The following SLC20A2 variants were observed in gnomAD, a reference collection of about 807,000 sequenced individuals.
SLC20A2 encodes solute carrier family 20 member 2.
Under a neutral mutation model 61.0 loss-of-function variants are expected in SLC20A2, and 30 were observed. The ratio of observed to expected loss-of-function variants is 0.49; its 90% CI spans 0.37 to 0.67. The LOEUF (loss-of-function observed/expected upper bound fraction) is 0.67, where lower values mean the gene tolerates loss of function less well. Among genes scored for constraint, SLC20A2 ranks in the 30% least tolerant of loss-of-function variants. The pLI, the probability that SLC20A2 is intolerant of heterozygous loss-of-function variation, is 0.00. For synonymous variants in SLC20A2, 351 were observed against 353.3 expected, an observed-to-expected ratio of 0.99 and a Z score of 0.07; for missense variants, 626 against 866.4, an observed-to-expected ratio of 0.72 and a Z score of 3.48.
At chr8:42,463,889 G>A (rs1204280296) in intron 3 of SLC20A2, among the ~76,000 whole-genome samples, 1 of 152,004 alleles carries the variant, frequency 6.6e-6, no homozygotes, top group African/African-American at 2.4e-5. Context: ...TGGAAATGGA[G>A]TGAAAGAGTA....
chr8:42,457,634 G>A (rs1487991219), intron 5 of SLC20A2, among the ~76,000 whole-genome samples: 18 of 151,990 alleles, frequency 1.2e-4, no homozygotes, highest in Admixed American at 2.0e-4. Flanking sequence ...CTACAGGCGC[G>A]CACCATCACG....
chr8:42,425,571 G>A (rs1340127027), intron 10 of SLC20A2, among the ~76,000 whole-genome samples: 1 of 152,216 alleles, frequency 6.6e-6, no homozygotes, highest in Non-Finnish European at 1.5e-5. Context: ...TGCTCACAGG[G>A]AATAGCTCTA....
At chr8:42,440,094 A>G (rs974448541) in intron 6 of SLC20A2, among the ~76,000 whole-genome samples, 6 of 151,960 alleles carry the variant, frequency 3.9e-5, no homozygotes, top group African/African-American at 1.4e-4. Context: ...CAAAAAAAAA[A>G]AAAGAAAGAA....
intron 1 of SLC20A2, among the ~76,000 whole-genome samples, chr8:42,483,127 C>T (rs1319925366): frequency 3.9e-5 from 6 of 152,164 alleles, no homozygotes; most frequent in Non-Finnish European, 8.8e-5. Flanking sequence ...GGGTGGATCA[C>T]TTGAGGTCAG....
At chr8:42,448,036 C>T (rs775388068) in intron 5 of SLC20A2, among the ~76,000 whole-genome samples, 3 of 152,208 alleles carry the variant, frequency 2.0e-5, no homozygotes, top group Non-Finnish European at 2.9e-5. Context: ...CTGCTGTCCA[C>T]CTTCATGTAG....
Position 42,469,927 on chromosome 8 carries a change from C to CA in SLC20A2, c.289+2174dup, listed in dbSNP as rs781431507. ...TGGGCAACAAAGCGAGATTCCGTCT[C>CA]AAAAAAAAAAAAAAAGATTTAATTT... is the stretch of plus-strand genomic sequence containing the variant. On this transcript the variant is annotated intron_variant, in intron 2 of 10. Coordinates refer to ENST00000520262, the MANE Select transcript of SLC20A2 (RefSeq NM_001257180.2). Among the ~76,000 whole-genome samples, 758 of 100,640 alleles carry CA rather than the reference C, an allele frequency of 7.5e-3. 2 individuals are homozygous for CA. The highest frequency in any genetic ancestry group is 0.011 in the Middle Eastern group (2 of 176). 66.0% of individuals were successfully genotyped at this position (100,640 alleles called of 152,430 possible).
upstream of SLC20A2, among the ~76,000 whole-genome samples, chr8:42,506,193 G>A (rs1810691324): frequency 6.6e-6 from 1 of 152,112 alleles, no homozygotes; most frequent in Non-Finnish European, 1.5e-5. Flanking sequence ...ATCCACCTTG[G>A]CCTCCCGAAG....
At chr8:42,441,021 G>A (rs755290858) in intron 6 of SLC20A2, among the ~76,000 whole-genome samples, 3 of 151,960 alleles carry the variant, frequency 2.0e-5, no homozygotes, top group Non-Finnish European at 2.9e-5. Flanking sequence ...GGATGGTCTC[G>A]ATTTCTTGAC....
intron 5 of SLC20A2, 30 bp from the exon 6 acceptor site, chr8:42,444,792 T>C (rs1460583792): frequency 6.4e-7 from 1 of 1,563,882 alleles, no homozygotes; most frequent in Non-Finnish European, 8.8e-7. Flanking sequence ...GCAGTGTCAT[T>C]ACTGGAAACT....
At position 42,437,316 on chromosome 8, in the gene SLC20A2, T is replaced by G. The variant is rs1563453866; in HGVS notation, c.1196A>C (p.His399Pro). The stretch of plus-strand genomic sequence containing the variant: ...TGAGTCCGCAGCTCGAAAGGTGGCG[T>G]GCACTGGCAGCCCACAAATGGCTGC... ...YTAAICGLPVHATFRAADSSA... is the reference protein window; with the variant it reads ...YTAAICGLPVPATFRAADSSA... Residue 399 changes from histidine (H) to proline (P), a missense_variant, in exon 8 of 11, where the codon CAC becomes CCC. Coordinates refer to ENST00000520262, the MANE Select transcript of SLC20A2 (RefSeq NM_001257180.2). The surrounding 1 kb of genome is among the most constrained non-coding windows in gnomAD (Gnocchi z 6.4). The G allele has an allele frequency of 1.2e-6, 2 of 1,614,216 alleles. No individual in the cohort carries two copies. Among genetic ancestry groups the G allele is most frequent in the Non-Finnish European group, 8.5e-7 (1 of 1,180,040 alleles).
At chr8:42,465,690 A>G (rs1301939888) in intron 3 of SLC20A2, 87 bp downstream of exon 3, 5 of 189,538 alleles carry the variant, frequency 2.6e-5, no homozygotes, top group Non-Finnish European at 4.8e-5. Flanking sequence ...ACTCCGGGTC[A>G]AAAAAAAAAA....
chr8:42,487,712 T>C (rs1809144489), intron 1 of SLC20A2, among the ~76,000 whole-genome samples: 1 of 152,256 alleles, frequency 6.6e-6, no homozygotes, highest in Non-Finnish European at 1.5e-5. Flanking sequence ...GAGTTTCTTT[T>C]ACAAAATGTT....
intron 5 of SLC20A2, among the ~76,000 whole-genome samples, chr8:42,453,253 T>G (rs1805883882): frequency 6.6e-6 from 1 of 152,232 alleles, no homozygotes; most frequent in South Asian, 2.1e-4. Flanking sequence ...AAATGAAGCT[T>G]AGGCTTGTAT....
At chr8:42,534,613 G>C (rs1174170906) in intron 1 of SLC20A2, 1 of 152,136 alleles carries the variant, frequency 6.6e-6, no homozygotes, top group Non-Finnish European at 1.5e-5. Context: ...TATTTGCGAG[G>C]ATTTAATTTT....
In SLC20A2 at chr8:42,434,334, G is replaced by A. The variant is rs559505027; in HGVS notation, c.1523+2655C>T. Among the ~76,000 whole-genome samples the A allele has an allele frequency of 4.8e-4, 73 of 152,160 alleles. No individual in the cohort carries two copies. The Middle Eastern group carries it at 0.017, about 35-fold the overall frequency. ...ACGCCCGACCTCAGGTGATCCACCT[G>A]CCTCGGCCTCCCGAAGTGTTGAGAT... On this transcript the variant is annotated intron_variant, in intron 8 of 10. Coordinates refer to ENST00000520262, the MANE Select transcript of SLC20A2 (RefSeq NM_001257180.2).
chr8:42,468,948 C>T (rs889480667), intron 2 of SLC20A2, among the ~76,000 whole-genome samples: 1 of 152,154 alleles, frequency 6.6e-6, no homozygotes, highest in African/African-American at 2.4e-5. Flanking sequence ...CTGAGCTAGT[C>T]CCACAAGATG....
At chr8:42,535,618 T>C (rs1378696430) in intron 1 of SLC20A2, among the ~76,000 whole-genome samples, 3 of 152,222 alleles carry the variant, frequency 2.0e-5, no homozygotes, top group Non-Finnish European at 2.9e-5. Context: ...CTTCCAGCCA[T>C]AGGATTCTGA....
intron 5 of SLC20A2, among the ~76,000 whole-genome samples, chr8:42,451,435 G>C (rs1271557645): frequency 1.3e-5 from 2 of 149,644 alleles, no homozygotes; most frequent in Non-Finnish European, 3.0e-5. Flanking sequence ...AGATGTAAGA[G>C]GAGGAGGAAA....
chr8:42,471,590 A>C (rs1470371219), intron 2 of SLC20A2, among the ~76,000 whole-genome samples: 1 of 152,234 alleles, frequency 6.6e-6, no homozygotes, highest in Non-Finnish European at 1.5e-5. Context: ...ACACGCACTT[A>C]AGATTTATTT....
Sources: gnomAD v4.1 joint callset for allele counts (sites outside exome capture counted in the v4.1 genomes callset) on GRCh38, gnomAD v4.1.1 for gene constraint, Gnocchi (gnomAD v3.1) non-coding constraint, MANE v1.5 for transcripts, NCBI Gene and HGNC (gene_info 2026-07-23, HGNC 2026-07-21) for gene names.